The following CNBD1 variants were observed in gnomAD, a reference collection of about 807,000 sequenced individuals.
CNBD1 encodes cyclic nucleotide binding domain containing 1, also known as cyclic nucleotide-binding domain-containing protein 1.
Under a neutral mutation model 54.4 loss-of-function variants are expected in CNBD1, and 71 were observed. The observed-to-expected ratio is 1.30, with a 90% CI of 1.08 to 1.59. CNBD1 has a LOEUF of 1.59. Among genes scored for constraint, CNBD1 ranks in the 40% most tolerant of loss-of-function variants. CNBD1 has a pLI of 0.00. For synonymous variants in CNBD1, 182 were observed against 170.7 expected (o/e 1.07, Z -0.51); for missense variants, 659 against 518.0 (o/e 1.27, Z -2.64).
At chr8:87,338,369 C>T (rs1186319974) in intron 8 of CNBD1, among the ~76,000 whole-genome samples, 4 of 152,166 alleles carry the variant, frequency 2.6e-5, no homozygotes, top group African/African-American at 9.7e-5. Flanking sequence ...GGTCTGACAG[C>T]AACAAATTCT....
intron 6 of CNBD1, among the ~76,000 whole-genome samples, chr8:87,255,330 T>TA (rs1209501404): frequency 4.6e-5 from 7 of 152,046 alleles, no homozygotes; most frequent in Non-Finnish European, 8.8e-5. Flanking sequence ...TCTCTGCATG[T>TA]AAAAAAATGT....
chr8:87,024,009 G>A (rs1038366648), intron 4 of CNBD1, among the ~76,000 whole-genome samples: 7 of 151,952 alleles, frequency 4.6e-5, no homozygotes, highest in South Asian at 2.1e-4. Context: ...AGGCCGAGGC[G>A]GGTGGATCAC....
intron 4 of CNBD1, among the ~76,000 whole-genome samples, chr8:87,140,602 G>A (rs1812352172): frequency 6.6e-6 from 1 of 152,130 alleles, no homozygotes; most frequent in African/African-American, 2.4e-5. Context: ...GAGATGGCAG[G>A]AGAGAGTACA....
At chr8:87,168,805 G>A (rs1219428989) in intron 4 of CNBD1, among the ~76,000 whole-genome samples, 1 of 152,020 alleles carries the variant, frequency 6.6e-6, no homozygotes, top group Non-Finnish European at 1.5e-5. Context: ...CTGTGTATAT[G>A]TGCCACATTT....
intron 4 of CNBD1, among the ~76,000 whole-genome samples, chr8:87,019,527 T>G (rs1748785100): frequency 6.6e-6 from 1 of 152,226 alleles, no homozygotes; most frequent in African/African-American, 2.4e-5. Flanking sequence ...ATTTCTTGCA[T>G]TTAATTTATA....
At chr8:87,287,633 A>G (rs1341012387) in intron 8 of CNBD1, among the ~76,000 whole-genome samples, 1 of 152,192 alleles carries the variant, frequency 6.6e-6, no homozygotes, top group Non-Finnish European at 1.5e-5. Flanking sequence ...CAGACTAGTT[A>G]TGAAATCTGG....
chr8:87,010,896 T>A (rs1809206530), intron 4 of CNBD1, among the ~76,000 whole-genome samples: 1 of 152,220 alleles, frequency 6.6e-6, no homozygotes, highest in African/African-American at 2.4e-5. Context: ...CCAGATTTTT[T>A]TCTTTATATT....
intron 5 of CNBD1, among the ~76,000 whole-genome samples, chr8:87,227,644 C>T (rs1307599597): frequency 7.3e-6 from 1 of 136,722 alleles, no homozygotes; most frequent in South Asian, 2.4e-4. Context: ...TTGAGGGTAA[C>T]CCGACCTTTC....
At chr8:86,991,673 A>C (rs1377083863) in intron 4 of CNBD1, among the ~76,000 whole-genome samples, 1 of 151,618 alleles carries the variant, frequency 6.6e-6, no homozygotes, top group South Asian at 2.1e-4. Context: ...AACTTCTCTT[A>C]ACATTACTTG....
chr8:87,194,762 G>A (rs1813679774), intron 4 of CNBD1, among the ~76,000 whole-genome samples: 1 of 152,036 alleles, frequency 6.6e-6, no homozygotes, highest in African/African-American at 2.4e-5. Context: ...CTGAGGGACT[G>A]GAGTTATTTG....
intron 4 of CNBD1, among the ~76,000 whole-genome samples, chr8:87,084,100 C>A (rs1024456764): frequency 3.3e-5 from 5 of 152,160 alleles, no homozygotes; most frequent in Non-Finnish European, 7.3e-5. Flanking sequence ...TAAAGGATTA[C>A]AACAGTATAT....
At chr8:87,241,956 A>G (rs1487144059) in intron 6 of CNBD1, among the ~76,000 whole-genome samples, 3 of 152,164 alleles carry the variant, frequency 2.0e-5, no homozygotes, top group Non-Finnish European at 4.4e-5. Flanking sequence ...AGCCAACTGA[A>G]TAGACCCCTC....
chr8:87,050,903 G>T (rs67662665), intron 4 of CNBD1, among the ~76,000 whole-genome samples: 32,224 of 152,030 alleles, frequency 0.21, 4,014 homozygotes, highest in Admixed American at 0.31. Context: ...GCTGTAGGGG[G>T]TATTGTTTCT....
At chr8:87,381,510 A>G (rs1811074257) in intron 10 of CNBD1, among the ~76,000 whole-genome samples, 1 of 152,048 alleles carries the variant, frequency 6.6e-6, no homozygotes, top group Admixed American at 6.6e-5. Flanking sequence ...ATGATCTAGC[A>G]GGCCCAGTTC....
intron 8 of CNBD1, among the ~76,000 whole-genome samples, chr8:87,303,823 C>T (rs191580733): frequency 9.9e-5 from 15 of 151,612 alleles, no homozygotes; most frequent in African/African-American, 3.4e-4. Flanking sequence ...AACAAGTGGG[C>T]GAAGGATATG....
intron 8 of CNBD1, among the ~76,000 whole-genome samples, chr8:87,318,952 G>T (rs942096697): frequency 6.6e-6 from 1 of 152,000 alleles, no homozygotes; most frequent in Non-Finnish European, 1.5e-5. Context: ...GCTCATCAGA[G>T]AAAAGAATGA....
intron 4 of CNBD1, among the ~76,000 whole-genome samples, chr8:87,084,130 A>G (rs1187522166): frequency 2.6e-5 from 4 of 152,202 alleles, no homozygotes; most frequent in African/African-American, 9.6e-5. Context: ...TCTATAATTT[A>G]TACCACTGTT....
intron 4 of CNBD1, among the ~76,000 whole-genome samples, chr8:87,078,983 A>G (rs1343823724): frequency 1.3e-5 from 2 of 152,292 alleles, no homozygotes; most frequent in South Asian, 2.1e-4. Context: ...GTTACTCCCA[A>G]AAAGTTTCAT....
chr8:87,398,740 A>T (rs1490923019), intron 2 of CNBD1, among the ~76,000 whole-genome samples: 1 of 152,004 alleles, frequency 6.6e-6, no homozygotes, highest in Non-Finnish European at 1.5e-5. Flanking sequence ...CATGCCTCCC[A>T]TGCTCAGTAC....
Sources: allele counts gnomAD v4.1 joint callset (sites outside exome capture counted in the v4.1 genomes callset), GRCh38; gene constraint gnomAD v4.1.1; transcripts MANE v1.5; gene names NCBI Gene and HGNC (gene_info 2026-07-23, HGNC 2026-07-21).